Variants in KDM4C observed in about 807,000 individuals in gnomAD.
KDM4C encodes lysine-specific demethylase 4C.
In KDM4C, 81 loss-of-function variants were observed where a neutral mutation model predicts 129.3. That is an observed-to-expected ratio of 0.63 (90% CI 0.52 to 0.75). KDM4C has a LOEUF of 0.75. Ranked by LOEUF, KDM4C falls within the 30% of genes least tolerant of loss-of-function variation. The pLI is 0.00. For missense variants in KDM4C, 1,457 were observed against 1,304.0 expected, an observed-to-expected ratio of 1.12 and a Z score of -1.81; for synonymous variants, 573 against 456.1, an observed-to-expected ratio of 1.26 and a Z score of -3.26.
rs771540845 is a variant in KDM4C at position 7,011,764 on chromosome 9, T to C, written c.1853T>C (p.Ile618Thr). ...ACAGAGTCTTGGGCGAAACCTCTCA[T>C]CCACCTTTGGCAGACGAAGTCCCCT... ...EETESWAKPL[I>T]HLWQTKSPNF... The change falls in exon 13 of 22, where the codon ATC becomes ACC. Residue 618 changes from isoleucine (I) to threonine (T), a missense_variant. Ile to Thr is a moderately conservative substitution (Grantham distance 89, BLOSUM62 -1). Transcript: ENST00000381309. 6.2e-7 allele frequency: 1 copy of C among 1,614,128 alleles called. No homozygotes were observed. The highest frequency in any genetic ancestry group is 8.5e-7 in the Non-Finnish European group (1 of 1,179,986).
chr9:7,036,922 T>A (rs1296136828), intron 15 of KDM4C, among the ~76,000 whole-genome samples: 2 of 152,212 alleles, frequency 1.3e-5, no homozygotes, highest in African/African-American at 4.8e-5. Context: ...ACAGAATTCA[T>A]TACAGGTGAA....
chr9:6,983,573 G>GACACACAC (rs56086219), intron 9 of KDM4C, among the ~76,000 whole-genome samples: 9,079 of 142,552 alleles, frequency 0.064, 357 homozygotes, highest in African/African-American at 0.077. Flanking sequence ...GTGTCTTTAT[G>GACACACAC]ACACACACAC....
In KDM4C at chr9:7,103,808, C is replaced by A; in HGVS notation, c.2548C>A (p.Pro850Thr). The A allele has an allele frequency of 6.2e-7, 1 of 1,614,010 alleles. No homozygotes were observed. The highest frequency in any genetic ancestry group is 8.5e-7 in the Non-Finnish European group (1 of 1,179,946). ...CCATGCTGCTGGGGTACTGATGGAG[C>A]CTGATGACTGGCCTTATGTGGTGAA... ...CAHAAGVLMEPDDWPYVVNIT... is the reference protein window; with the variant it reads ...CAHAAGVLMETDDWPYVVNIT... Residue 850 changes from proline (P) to threonine (T), a missense_variant, in exon 18 of 22, where the codon CCT becomes ACT. Transcript: ENST00000381309.
chr9:6,807,819 A>G (rs1425328907), intron 3 of KDM4C, among the ~76,000 whole-genome samples: 89 of 138,094 alleles, frequency 6.4e-4, no homozygotes, highest in African/African-American at 2.4e-3. Flanking sequence ...CCGCCCGGCC[A>G]GCCGCCCCAT....
chr9:6,980,392 A>G (rs1316367444), intron 8 of KDM4C, among the ~76,000 whole-genome samples: 1 of 152,096 alleles, frequency 6.6e-6, no homozygotes, highest in African/African-American at 2.4e-5. Context: ...GTTGTATGTG[A>G]TGTGATGTAG....
chr9:6,771,730 A>G (rs926847452), intron 1 of KDM4C, among the ~76,000 whole-genome samples: 9 of 152,186 alleles, frequency 5.9e-5, no homozygotes, highest in Non-Finnish European at 1.3e-4. Flanking sequence ...AAAAGTCACA[A>G]TGTAGAATTG....
chr9:6,997,116 G>A (rs1394299882), intron 12 of KDM4C, among the ~76,000 whole-genome samples: 3 of 152,160 alleles, frequency 2.0e-5, no homozygotes, highest in Non-Finnish European at 2.9e-5. Context: ...AGCACCTGCC[G>A]CATGGAGGAA....
chr9:7,001,180 C>G (rs906484925), intron 12 of KDM4C, among the ~76,000 whole-genome samples: 1 of 152,124 alleles, frequency 6.6e-6, no homozygotes, highest in Admixed American at 6.5e-5. Flanking sequence ...ATCTTTATAC[C>G]TGTCAAGTGA....
intron 4 of KDM4C, among the ~76,000 whole-genome samples, chr9:6,835,775 C>G (rs1330466198): frequency 1.3e-5 from 2 of 152,158 alleles, no homozygotes; most frequent in Non-Finnish European, 2.9e-5. Context: ...CCCCAAATTT[C>G]TGCAGTGTGG....
At chr9:6,793,484 C>G (rs1487739436) in intron 2 of KDM4C, among the ~76,000 whole-genome samples, 1 of 151,594 alleles carries the variant, frequency 6.6e-6, no homozygotes, top group Non-Finnish European at 1.5e-5. Context: ...GAAGGTTAAC[C>G]ACAATTTCTC....
At chr9:7,145,709 C>T (rs368939521) in intron 19 of KDM4C, among the ~76,000 whole-genome samples, 79 of 152,310 alleles carry the variant, frequency 5.2e-4, no homozygotes, top group African/African-American at 1.7e-3. Flanking sequence ...TCCTAGTTCT[C>T]GATCTCTAGA....
intron 19 of KDM4C, among the ~76,000 whole-genome samples, chr9:7,153,088 C>G (rs1344787620): frequency 1.3e-5 from 2 of 152,076 alleles, no homozygotes; most frequent in African/African-American, 2.4e-5. Context: ...CAGAATTACT[C>G]ATAAAAATAC....
rs1301305761 is a variant in KDM4C, at chr9:6,882,798, GTGTGTGT to G, written c.679+2738_679+2744del. Reference sequence around the variant, plus strand: ...TGTGTGTGTGTGTGTGTGTGTGTGTGTGTGTGTGCGCGTGTGCACGTGCACGCACATT... The same window carrying G: ...TGTGTGTGTGTGTGTGTGTGTGTGTGGCGCGTGTGCACGTGCACGCACATT... On this transcript the variant is annotated intron_variant, in intron 6 of 21. Coordinates refer to ENST00000381309, the MANE Select transcript of KDM4C (RefSeq NM_015061.6). Among the ~76,000 whole-genome samples the G allele has an allele frequency of 3.9e-5, 6 of 152,020 alleles. No individual in the cohort carries two copies. In the East Asian group the frequency reaches 5.8e-4, roughly 15 times the overall value.
chr9:7,077,812 G>GTCTA (rs2132900013), intron 17 of KDM4C, among the ~76,000 whole-genome samples: 1 of 152,290 alleles, frequency 6.6e-6, no homozygotes, highest in South Asian at 2.1e-4. Context: ...AGAGAAAGAT[G>GTCTA]TCTATCTAAT....
chr9:6,917,990 C>T (rs1480638755), intron 8 of KDM4C, among the ~76,000 whole-genome samples: 1 of 152,296 alleles, frequency 6.6e-6, no homozygotes, highest in Non-Finnish European at 1.5e-5. Context: ...TTATTTCTCC[C>T]ATTTGAAAAA....
intron 19 of KDM4C, among the ~76,000 whole-genome samples, chr9:7,157,072 C>T (rs549483864): frequency 2.6e-5 from 4 of 152,166 alleles, no homozygotes; most frequent in South Asian, 4.2e-4. Flanking sequence ...CCTTCACATC[C>T]CTTGTAAGTT....
chr9:6,966,010 A>T (rs1292096242), intron 8 of KDM4C, among the ~76,000 whole-genome samples: 1 of 152,224 alleles, frequency 6.6e-6, no homozygotes, highest in Non-Finnish European at 1.5e-5. Flanking sequence ...AAAGCATATG[A>T]CCATTTTATT....
At chr9:6,844,146 A>G (rs1837450784) in intron 4 of KDM4C, among the ~76,000 whole-genome samples, 1 of 152,176 alleles carries the variant, frequency 6.6e-6, no homozygotes, top group South Asian at 2.1e-4. Context: ...TACTTTTAAA[A>G]AAGCTTTTTC....
intron 8 of KDM4C, among the ~76,000 whole-genome samples, chr9:6,953,658 G>T (rs1481021984): frequency 6.6e-6 from 1 of 152,092 alleles, no homozygotes; most frequent in African/African-American, 2.4e-5. Context: ...AATTCATGTG[G>T]ACCTTTTCTT....
Sources: gnomAD v4.1 joint callset for allele counts (sites outside exome capture counted in the v4.1 genomes callset) on GRCh38, gnomAD v4.1.1 for gene constraint, MANE v1.5 for transcripts, NCBI Gene and HGNC (gene_info 2026-07-23, HGNC 2026-07-21) for gene names.